Variants in DOK6 observed in about 807,000 individuals in gnomAD.
DOK6 encodes the protein docking protein 6.
Under a neutral mutation model 44.0 loss-of-function variants are expected in DOK6, and 22 were observed. That is an observed-to-expected ratio of 0.50 (90% CI 0.36 to 0.71). The LOEUF is 0.71. Among genes scored for constraint, DOK6 ranks in the 30% least tolerant of loss-of-function variants. DOK6 has a pLI of 0.00. For synonymous variants in DOK6, 166 were observed against 145.5 expected (o/e 1.14, Z -1.01); for missense variants, 340 against 416.4 (o/e 0.82, Z 1.60).
chr18:69,534,594 T>C (rs187279092), intron 1 of DOK6, among the ~76,000 whole-genome samples: 1 of 152,174 alleles, frequency 6.6e-6, no homozygotes, highest in African/African-American at 2.4e-5. Flanking sequence ...TCTTTGTTTT[T>C]TTCCATATGA....
chr18:69,673,230 G>GTATGTA (rs1985847875), intron 3 of DOK6, among the ~76,000 whole-genome samples: 2 of 150,162 alleles, frequency 1.3e-5, no homozygotes, highest in African/African-American at 4.9e-5. Flanking sequence ...TTTTCTGTGT[G>GTATGTA]TATATATATA....
intron 2 of DOK6, among the ~76,000 whole-genome samples, chr18:69,598,220 T>G (rs1423000544): frequency 1.3e-5 from 2 of 151,670 alleles, no homozygotes; most frequent in African/African-American, 2.4e-5. Context: ...GAATATTACT[T>G]AAATATTGAT....
At chr18:69,658,483 G>C (rs557260127) in intron 3 of DOK6, among the ~76,000 whole-genome samples, 1 of 152,204 alleles carries the variant, frequency 6.6e-6, no homozygotes, top group Admixed American at 6.5e-5. Context: ...TTAGTATGTT[G>C]ACAATAATTA....
chr18:69,807,444 T>G (rs142114302), intron 7 of DOK6, among the ~76,000 whole-genome samples: 1 of 152,050 alleles, frequency 6.6e-6, no homozygotes, highest in East Asian at 1.9e-4. Context: ...TCCTTGCTTA[T>G]CAATAATTAC....
chr18:69,559,410 G>A (rs1375277791), intron 1 of DOK6, among the ~76,000 whole-genome samples: 1 of 152,054 alleles, frequency 6.6e-6, no homozygotes, highest in Non-Finnish European at 1.5e-5. Context: ...TATATTACTA[G>A]GGATTTGAGT....
At chr18:69,733,127 A>T (rs1978471631) in intron 5 of DOK6, among the ~76,000 whole-genome samples, 1 of 152,030 alleles carries the variant, frequency 6.6e-6, no homozygotes, top group African/African-American at 2.4e-5. Context: ...GCAGGAGTTC[A>T]AGGCTGCATT....
At chr18:69,679,963 A>G (rs921757404) in intron 4 of DOK6, among the ~76,000 whole-genome samples, 1 of 152,184 alleles carries the variant, frequency 6.6e-6, no homozygotes, top group African/African-American at 2.4e-5. Context: ...CACAACACAC[A>G]TACACACACA....
chr18:69,524,529 T>C (rs1981775510), intron 1 of DOK6, among the ~76,000 whole-genome samples: 1 of 151,948 alleles, frequency 6.6e-6, no homozygotes, highest in Non-Finnish European at 1.5e-5. Flanking sequence ...TGACTTTTAG[T>C]TGGCTAAATA....
intron 1 of DOK6, among the ~76,000 whole-genome samples, chr18:69,412,556 A>G (rs554607230): frequency 6.7e-6 from 1 of 150,362 alleles, no homozygotes; most frequent in Admixed American, 6.6e-5. Flanking sequence ...AATGAAGTAC[A>G]TTTCACCGAA....
intron 1 of DOK6, among the ~76,000 whole-genome samples, chr18:69,549,107 A>C (rs1316640830): frequency 1.3e-5 from 2 of 149,568 alleles, no homozygotes; most frequent in African/African-American, 2.4e-5. Flanking sequence ...AAAAAAAAAA[A>C]ACAACAACAA....
At chr18:69,637,012 C>A (rs1984824957) in intron 3 of DOK6, among the ~76,000 whole-genome samples, 2 of 152,138 alleles carry the variant, frequency 1.3e-5, no homozygotes, top group African/African-American at 4.8e-5. Flanking sequence ...TGTTTTAGTT[C>A]TGAATGGCAG....
In DOK6 at chr18:69,808,357, A is replaced by T. The variant is rs981399839; in HGVS notation, c.857-32887A>T. Among the ~76,000 whole-genome samples, 8 of 151,762 alleles carry T rather than the reference A, an allele frequency of 5.3e-5. No individual in the cohort carries two copies. In the South Asian group the frequency reaches 8.3e-4, roughly 16 times the overall value. On this transcript the variant is annotated intron_variant, in intron 7 of 7. Transcript: ENST00000382713. ...AAGAAGAAATGTTTCAAACAACCTAATGTCACACCTCAAAAAACTACAAAA... is the reference window on the plus strand; with the variant it reads ...AAGAAGAAATGTTTCAAACAACCTATTGTCACACCTCAAAAAACTACAAAA...
At chr18:69,778,539 C>G (rs576127509) in intron 7 of DOK6, among the ~76,000 whole-genome samples, 2 of 152,106 alleles carry the variant, frequency 1.3e-5, no homozygotes, top group African/African-American at 2.4e-5. Context: ...GACATGAAAC[C>G]ACTGTAAACT....
At chr18:69,537,067 C>T (rs948792784) in intron 1 of DOK6, among the ~76,000 whole-genome samples, 5 of 151,366 alleles carry the variant, frequency 3.3e-5, no homozygotes, top group African/African-American at 9.7e-5. Flanking sequence ...AACTCCTGGC[C>T]TCAAGCAGTC....
chr18:69,731,400 C>T (rs142057628), intron 5 of DOK6, among the ~76,000 whole-genome samples: 34 of 152,174 alleles, frequency 2.2e-4, no homozygotes, highest in African/African-American at 8.2e-4. Flanking sequence ...GACAGGTAGA[C>T]AAGTGGGTAG....
At chr18:69,732,605 TAAAC>T (rs1227308957) in intron 5 of DOK6, among the ~76,000 whole-genome samples, 2 of 151,998 alleles carry the variant, frequency 1.3e-5, no homozygotes, top group East Asian at 1.9e-4. Flanking sequence ...AAAGAAAAAA[TAAAC>T]AGAATAGGGT....
chr18:69,566,466 A>C (rs773294483), intron 2 of DOK6, among the ~76,000 whole-genome samples: 1 of 152,190 alleles, frequency 6.6e-6, no homozygotes, highest in Non-Finnish European at 1.5e-5. Flanking sequence ...ATGAAACAGG[A>C]AAAATTGTCA....
At chr18:69,650,418 T>C (rs1021113961) in intron 3 of DOK6, among the ~76,000 whole-genome samples, 4 of 152,108 alleles carry the variant, frequency 2.6e-5, no homozygotes, top group African/African-American at 9.7e-5. Context: ...CTAGACATCT[T>C]CCCTATCACA....
At chr18:69,469,792 A>G (rs1599145733) in intron 1 of DOK6, 1 of 238,156 alleles carries the variant, frequency 4.2e-6, no homozygotes, top group Non-Finnish European at 8.8e-6. Flanking sequence ...AGGCGGATGG[A>G]GCGCGGCAGA....
Sources: allele counts gnomAD v4.1 joint callset (sites outside exome capture counted in the v4.1 genomes callset), GRCh38; gene constraint gnomAD v4.1.1; transcripts MANE v1.5; gene names NCBI Gene and HGNC (gene_info 2026-07-23, HGNC 2026-07-21).